ASZ1: variants seen among roughly 807,000 people sequenced by gnomAD.
The protein encoded by ASZ1 is ankyrin repeat, SAM and basic leucine zipper domain-containing protein 1.
Under a neutral mutation model 61.8 loss-of-function variants are expected in ASZ1, and 67 were observed. The observed-to-expected ratio is 1.08, with a 90% CI of 0.89 to 1.33. The LOEUF (loss-of-function observed/expected upper bound fraction) is 1.33. Among genes scored for constraint, ASZ1 ranks in the 40% most tolerant of loss-of-function variants. The pLI, the probability that ASZ1 is intolerant of heterozygous loss-of-function variation, is 0.00. For synonymous variants in ASZ1, 193 were observed against 192.7 expected (o/e 1.00, Z -0.01); for missense variants, 577 against 554.5 (o/e 1.04, Z -0.41).
chr7:117,395,517 G>C (rs1796559493), intron 4 of ASZ1, among the ~76,000 whole-genome samples: 1 of 152,024 alleles, frequency 6.6e-6, no homozygotes, highest in South Asian at 2.1e-4. Flanking sequence ...CAGCCAACAT[G>C]ACGTGTATAT....
intron 4 of ASZ1, among the ~76,000 whole-genome samples, chr7:117,394,230 G>A (rs1367015606): frequency 6.6e-6 from 1 of 151,786 alleles, no homozygotes; most frequent in Non-Finnish European, 1.5e-5. Context: ...TCAGCCTCCC[G>A]AGTAGCTAGG....
intron 4 of ASZ1, among the ~76,000 whole-genome samples, chr7:117,409,944 A>G (rs1194689447): frequency 6.6e-6 from 1 of 151,806 alleles, no homozygotes; most frequent in Non-Finnish European, 1.5e-5. Context: ...TTTTAGGAAC[A>G]TGCAAAATTT....
chr7:117,385,806 T>C lies in ASZ1; in HGVS notation c.444A>G (p.Arg148=). ...CAGCATACATGATTGGGGTCATAAG[T>C]CTCCTAAGGAGGAGGAAGAAAGGAA... ...RNADPNVACR[R]LMTPIMYAAR... The change falls in exon 5 of 13, where the codon AGA becomes AGG. Residue 148 remains arginine, a synonymous_variant. Coordinates refer to ENST00000284629, the MANE Select transcript of ASZ1 (RefSeq NM_130768.3). The C allele has an allele frequency of 1.2e-6, 2 of 1,608,662 alleles. No individual in the cohort carries two copies. Among genetic ancestry groups the C allele is most frequent in the Non-Finnish European group, 1.7e-6 (2 of 1,175,832 alleles).
Position 117,368,595 on chromosome 7 carries a change from T to G in ASZ1, c.1161+17A>C. The G allele has an allele frequency of 6.2e-7, 1 of 1,606,694 alleles. No individual in the cohort carries two copies. Among genetic ancestry groups the G allele is most frequent in the South Asian group, 1.1e-5 (1 of 89,226 alleles). On this transcript the variant is annotated intron_variant, in intron 11 of 12. Transcript: ENST00000284629. Reference sequence around the variant, plus strand: ...AGTGTTCATACTTTTCTTCACTTAATAACTTTTGTAGAATACCTTTTGAGA... The same window carrying G: ...AGTGTTCATACTTTTCTTCACTTAAGAACTTTTGTAGAATACCTTTTGAGA...
chr7:117,377,268 T>G (rs1371110049), intron 10 of ASZ1, among the ~76,000 whole-genome samples: 1 of 152,180 alleles, frequency 6.6e-6, no homozygotes, highest in Non-Finnish European at 1.5e-5. Context: ...GGGTCAGGTT[T>G]GTCATCCCAG....
chr7:117,376,585 A>G (rs1241582965), intron 10 of ASZ1, among the ~76,000 whole-genome samples: 1 of 152,180 alleles, frequency 6.6e-6, no homozygotes, highest in Admixed American at 6.5e-5. Context: ...CATAAAAAGA[A>G]TAATAACCCA....
chr7:117,364,747 T>C (rs997662177), intron 12 of ASZ1, among the ~76,000 whole-genome samples: 3 of 152,200 alleles, frequency 2.0e-5, no homozygotes, highest in Non-Finnish European at 1.5e-5. Context: ...AATGCCAATC[T>C]CATTAATACC....
Position 117,363,765 on chromosome 7 carries a change from AAAAAG to A in ASZ1, c.1276-22_1276-18del, listed in dbSNP as rs1288296265. 1.9e-6 allele frequency: 3 copies of A among 1,546,612 alleles called. No homozygotes were observed. The highest frequency in any genetic ancestry group is 2.6e-6 in the Non-Finnish European group (3 of 1,145,244). The stretch of plus-strand genomic sequence containing the variant: ...ATTTTGCAACTAATATTTAGTATGG[AAAAAG>A]AAAAGAGGAGTTACTGTACAATACA... On this transcript the variant is annotated intron_variant, in intron 12 of 12. Transcript: ENST00000284629.
At chr7:117,399,160 G>C (rs940720769) in intron 4 of ASZ1, among the ~76,000 whole-genome samples, 1 of 152,146 alleles carries the variant, frequency 6.6e-6, no homozygotes, top group African/African-American at 2.4e-5. Context: ...AGCCCAGGAG[G>C]TCGAGGCTGC....
In ASZ1 at chr7:117,365,450, A is replaced by G. The variant is rs1795917453; in HGVS notation, c.1276-1702T>C. 2.0e-5 allele frequency among the ~76,000 whole-genome samples: 3 copies of G among 152,128 alleles called. No homozygotes were observed. The South Asian group carries it at 6.2e-4, about 32-fold the overall frequency. ...TTAATTTCACTCATTTAACAAAAATATGGTTTTCTAATTTCATTTTAATTC... is the reference window on the plus strand; with the variant it reads ...TTAATTTCACTCATTTAACAAAAATGTGGTTTTCTAATTTCATTTTAATTC... On this transcript the variant is annotated intron_variant, in intron 12 of 12. Transcript: ENST00000284629.
chr7:117,385,499 G>T (rs970204992), intron 5 of ASZ1, among the ~76,000 whole-genome samples, 199 bp downstream of exon 5: 1 of 152,026 alleles, frequency 6.6e-6, no homozygotes, highest in African/African-American at 2.4e-5. Flanking sequence ...AACCTCAAAT[G>T]ATCCGCCTGC....
intron 9 of ASZ1, among the ~76,000 whole-genome samples, chr7:117,380,414 C>T (rs1175728244): frequency 6.6e-6 from 1 of 151,642 alleles, no homozygotes; most frequent in Non-Finnish European, 1.5e-5. Flanking sequence ...TAGGCCCTAT[C>T]TTTGTTTGTA....
At chr7:117,423,210 TTTTG>T (rs775046242) in intron 2 of ASZ1, among the ~76,000 whole-genome samples, 1 of 152,234 alleles carries the variant, frequency 6.6e-6, no homozygotes, top group South Asian at 2.1e-4. Flanking sequence ...AGTAAGTTTT[TTTTG>T]TTTGTTTGTA....
chr7:117,382,230 G>C (rs1796268774), intron 7 of ASZ1, 86 bp from the exon 8 acceptor site: 1 of 802,608 alleles, frequency 1.2e-6, no homozygotes, highest in African/African-American at 1.7e-5. Flanking sequence ...AAGAGAATAT[G>C]AATAATAATG....
chr7:117,422,944 C>T (rs1395377542), intron 2 of ASZ1, among the ~76,000 whole-genome samples: 1 of 152,124 alleles, frequency 6.6e-6, no homozygotes, highest in African/African-American at 2.4e-5. Flanking sequence ...ATAGACACCA[C>T]TATTGAGAAT....
intron 4 of ASZ1, among the ~76,000 whole-genome samples, chr7:117,400,623 A>T (rs1051577373): frequency 3.9e-5 from 6 of 152,196 alleles, no homozygotes; most frequent in African/African-American, 1.4e-4. Flanking sequence ...AAGGGGAGTA[A>T]CAGAAAGGTG....
chr7:117,416,549 A>T (rs1584742147), intron 4 of ASZ1, among the ~76,000 whole-genome samples: 1 of 152,208 alleles, frequency 6.6e-6, no homozygotes, highest in Admixed American at 6.5e-5. Flanking sequence ...ATACTCTATA[A>T]TTCTAGAACA....
intron 10 of ASZ1, among the ~76,000 whole-genome samples, chr7:117,377,101 A>G (rs986212406): frequency 6.6e-6 from 1 of 152,214 alleles, no homozygotes. Context: ...AGACACAAAA[A>G]TCAATTGCAC....
intron 4 of ASZ1, among the ~76,000 whole-genome samples, chr7:117,399,357 A>C (rs567059183): frequency 6.6e-6 from 1 of 152,364 alleles, no homozygotes; most frequent in South Asian, 2.1e-4. Context: ...TGTCATCTGC[A>C]TCTCAGTTAA....
Sources: gnomAD v4.1 joint callset for allele counts (sites outside exome capture counted in the v4.1 genomes callset) on GRCh38, gnomAD v4.1.1 for gene constraint, MANE v1.5 for transcripts, NCBI Gene and HGNC (gene_info 2026-07-23, HGNC 2026-07-21) for gene names.